The following HABP4 variants were observed in gnomAD, a reference collection of about 807,000 sequenced individuals.
HABP4 encodes the protein intracellular hyaluronan-binding protein 4.
Under a neutral mutation model 44.1 loss-of-function variants are expected in HABP4, and 32 were observed. That is an observed-to-expected ratio of 0.73 (90% confidence interval 0.55 to 0.97). HABP4 has a LOEUF of 0.97. Among genes scored for constraint, HABP4 ranks in the 50% least tolerant of loss-of-function variants. The probability of loss-of-function intolerance (pLI) is 0.00; values close to 1 mark genes in which losing one functional copy is unlikely to be tolerated. For synonymous variants in HABP4, 216 were observed against 218.0 expected (o/e 0.99, Z 0.08); for missense variants, 503 against 561.9 (o/e 0.90, Z 1.06).
At chr9:96,452,118 T>C (rs1832293527) in intron 1 of HABP4, among the ~76,000 whole-genome samples, 2 of 151,282 alleles carry the variant, frequency 1.3e-5, no homozygotes, top group Admixed American at 1.3e-4. Context: ...GTCCAGCTAC[T>C]CGGGAGGCTG....
chr9:96,457,211 A>G (rs922444398), intron 1 of HABP4, among the ~76,000 whole-genome samples: 2 of 152,106 alleles, frequency 1.3e-5, no homozygotes, highest in African/African-American at 2.4e-5. Flanking sequence ...TACTGAAAAT[A>G]CAACATTAGC....
In HABP4 at chr9:96,490,183, G is replaced by A; in HGVS notation, c.*145G>A. ...AATTTGTTGCACTTTTTTGGGCTGA[G>A]CTGTTAGAGGGGCTTCTCCAGAGGC... On this transcript the variant is annotated 3_prime_UTR_variant, in exon 8 of 8. Transcript: ENST00000375249. The A allele has an allele frequency of 1.5e-6, 1 of 647,032 alleles. No individual in the cohort carries two copies. Among genetic ancestry groups the A allele is most frequent in the Non-Finnish European group, 2.8e-6 (1 of 355,638 alleles). 40.1% of individuals were successfully genotyped at this position (647,032 alleles called of 1,614,324 possible).
chr9:96,452,044 G>A (rs1298243172), intron 1 of HABP4, among the ~76,000 whole-genome samples: 3 of 151,996 alleles, frequency 2.0e-5, no homozygotes, highest in Non-Finnish European at 2.9e-5. Flanking sequence ...TGGCTAACAC[G>A]GTGAAATCCC....
chr9:96,487,205 C>G (rs963710704), intron 6 of HABP4, among the ~76,000 whole-genome samples: 1 of 147,744 alleles, frequency 6.8e-6, no homozygotes, highest in African/African-American at 2.4e-5. Flanking sequence ...AAACTTTGCT[C>G]CATTTCCTGG....
intron 5 of HABP4, among the ~76,000 whole-genome samples, chr9:96,474,817 C>T (rs1358494791): frequency 6.6e-6 from 1 of 152,064 alleles, no homozygotes; most frequent in Non-Finnish European, 1.5e-5. Context: ...TGGCATTTAG[C>T]CTGAATGTAC....
chr9:96,466,598 C>A (rs1214152009), intron 4 of HABP4, among the ~76,000 whole-genome samples: 3 of 152,136 alleles, frequency 2.0e-5, no homozygotes, highest in African/African-American at 7.2e-5. Context: ...TCATGTGGAT[C>A]CTTGACACAT....
At chr9:96,472,129 C>A (rs570074981) in intron 5 of HABP4, among the ~76,000 whole-genome samples, 1 of 152,066 alleles carries the variant, frequency 6.6e-6, no homozygotes, top group Non-Finnish European at 1.5e-5. Flanking sequence ...ACTCTCTGGC[C>A]CTTTGGACCT....
At chr9:96,472,140 G>C (rs1832708777) in intron 5 of HABP4, among the ~76,000 whole-genome samples, 1 of 152,056 alleles carries the variant, frequency 6.6e-6, no homozygotes, top group African/African-American at 2.4e-5. Flanking sequence ...CTTTGGACCT[G>C]CTGCTGTAAC....
chr9:96,468,787 T>C (rs529345402), intron 4 of HABP4, among the ~76,000 whole-genome samples: 1 of 152,380 alleles, frequency 6.6e-6, no homozygotes, highest in Non-Finnish European at 1.5e-5. Flanking sequence ...ATTTTATGTA[T>C]GTATACATAT....
rs190906518 is a variant in HABP4, at chr9:96,473,501, C to T, written c.827+2407C>T. Among the ~76,000 whole-genome samples the T allele has an allele frequency of 1.3e-3, 201 of 152,304 alleles. 2 individuals carry two copies. The highest frequency in any genetic ancestry group is 4.5e-3 in the African/African-American group (188 of 41,554). On this transcript the variant is annotated intron_variant, in intron 5 of 7. Transcript: ENST00000375249. ...CACCACTGGAGCCCCTCACAGGGCT[C>T]CCTGCATCCTCACCTACGCCAAGGT...
chr9:96,480,784 A>C (rs761880685), intron 5 of HABP4, among the ~76,000 whole-genome samples: 44 of 152,228 alleles, frequency 2.9e-4, no homozygotes, highest in Admixed American at 1.3e-3. Context: ...CACTGTTTTG[A>C]CAAATGCATG....
chr9:96,485,764 C>T (rs1253494038), intron 6 of HABP4, among the ~76,000 whole-genome samples: 1 of 152,062 alleles, frequency 6.6e-6, no homozygotes, highest in Admixed American at 6.6e-5. Flanking sequence ...CAGCTTGATA[C>T]CAGTCACTAT....
chr9:96,469,986 T>C, intron 4 of HABP4, among the ~76,000 whole-genome samples: 1 of 152,188 alleles, frequency 6.6e-6, no homozygotes, highest in East Asian at 1.9e-4. Context: ...ATGATTTTTC[T>C]TTTCTGTAAA....
rs1476502613 is a variant in HABP4, at chr9:96,450,239, C to G, written c.-41C>G. On this transcript the variant is annotated 5_prime_UTR_variant, in exon 1 of 8. Transcript: ENST00000375249. The surrounding 1 kb of genome is among the most constrained non-coding windows in gnomAD (Gnocchi z 4.8). ...GCCGCCGGCTTCGCTGAGACGCGCT[C>G]GCGTGGGCTGCCCTCCCGGGCCCGC... 1.2e-5 allele frequency: 16 copies of G among 1,342,342 alleles called. No homozygotes were observed. The Admixed American group carries it at 1.6e-4, about 13-fold the overall frequency. 83.2% of individuals were successfully genotyped at this position (1,342,342 alleles called of 1,614,324 possible).
intron 5 of HABP4, among the ~76,000 whole-genome samples, chr9:96,472,229 C>G (rs1293861736): frequency 6.6e-6 from 1 of 152,186 alleles, no homozygotes; most frequent in Admixed American, 6.5e-5. Flanking sequence ...CACTACAAGT[C>G]ACATCGTGGG....
intron 5 of HABP4, among the ~76,000 whole-genome samples, chr9:96,476,831 C>T (rs1200770131): frequency 6.6e-6 from 1 of 152,220 alleles, no homozygotes; most frequent in Non-Finnish European, 1.5e-5. Context: ...CTGCTTTCAA[C>T]GTGGCTTGTT....
intron 4 of HABP4, among the ~76,000 whole-genome samples, chr9:96,469,256 A>G (rs1164171264): frequency 3.3e-5 from 5 of 152,234 alleles, no homozygotes; most frequent in Non-Finnish European, 5.9e-5. Flanking sequence ...GCAGTTTTCA[A>G]TAATGCTGCC....
chr9:96,477,716 C>G (rs1191900169), intron 5 of HABP4, among the ~76,000 whole-genome samples: 2 of 152,182 alleles, frequency 1.3e-5, no homozygotes, highest in Non-Finnish European at 2.9e-5. Flanking sequence ...ATATAATTCA[C>G]ATCCAATAAA....
In HABP4 at chr9:96,458,557, C is replaced by T. The variant is rs1168934665; in HGVS notation, c.512+16C>T. The T allele has an allele frequency of 6.4e-7, 1 of 1,571,748 alleles. No homozygotes were observed. The highest frequency in any genetic ancestry group is 8.7e-7 in the Non-Finnish European group (1 of 1,143,726). ...CAGATGAAAAGTATGTGCTGCAGTCCTCAGCAGGGCGGGTGGGGAACCAGA... is the reference window on the plus strand; with the variant it reads ...CAGATGAAAAGTATGTGCTGCAGTCTTCAGCAGGGCGGGTGGGGAACCAGA... On this transcript the variant is annotated intron_variant, in intron 2 of 7. Transcript: ENST00000375249.
Sources: allele counts gnomAD v4.1 joint callset (sites outside exome capture counted in the v4.1 genomes callset), GRCh38; gene constraint gnomAD v4.1.1; non-coding constraint Gnocchi (gnomAD v3.1); transcripts MANE v1.5; gene names NCBI Gene and HGNC (gene_info 2026-07-23, HGNC 2026-07-21).